The following MARCHF3 variants were observed in gnomAD, a reference collection of about 807,000 sequenced individuals.
The protein encoded by MARCHF3 is membrane associated ring-CH-type finger 3.
A neutral mutation model predicts 24.2 loss-of-function variants in MARCHF3; 13 were observed. The ratio of observed to expected loss-of-function variants is 0.54; its 90% confidence interval spans 0.35 to 0.85. MARCHF3 has a LOEUF of 0.85. Ranked by LOEUF, MARCHF3 falls within the 40% of genes least tolerant of loss-of-function variation. The pLI, the probability that MARCHF3 is intolerant of heterozygous loss-of-function variation, is 0.01. For synonymous variants in MARCHF3, 144 were observed against 137.3 expected (o/e 1.05, Z -0.34); for missense variants, 276 against 325.0 (o/e 0.85, Z 1.16).
Position 126,878,124 on chromosome 5 carries a change from G to GTGCCAGCTGTGAGGC in MARCHF3, c.603+46_603+60dup. 3.3e-6 allele frequency: 5 copies of GTGCCAGCTGTGAGGC among 1,528,674 alleles called. No individual in the cohort carries two copies. The South Asian group carries it at 5.7e-5, about 17-fold the overall frequency. The allele number at this position is 1,528,674 out of a possible 1,614,324, so 94.7% of individuals were successfully genotyped here. A position where few individuals can be genotyped will look rare whatever the true frequency, so the allele number is the denominator to read the frequency against. On this transcript the variant is annotated intron_variant, in intron 4 of 4. Coordinates refer to ENST00000308660, the MANE Select transcript of MARCHF3 (RefSeq NM_178450.5). ...GTGTTACAGACAAGAGGAAAGGCTT[G>GTGCCAGCTGTGAGGC]TGCCAGCTGTGAGGCTGCCAGCTCC...
intron 1 of MARCHF3, among the ~76,000 whole-genome samples, chr5:126,940,130 T>C (rs1749779420): frequency 6.6e-6 from 1 of 152,230 alleles, no homozygotes; most frequent in Non-Finnish European, 1.5e-5. Context: ...ATTGCCTTGT[T>C]TGACCTCAGC....
intron 3 of MARCHF3, among the ~76,000 whole-genome samples, chr5:126,892,881 T>C (rs1389605325): frequency 6.6e-6 from 1 of 151,658 alleles, no homozygotes; most frequent in Non-Finnish European, 1.5e-5. Context: ...TTCCTCCTTG[T>C]ACCTCTGGTA....
At chr5:126,959,358 G>T (rs2126821319) in intron 1 of MARCHF3, among the ~76,000 whole-genome samples, 1 of 152,166 alleles carries the variant, frequency 6.6e-6, no homozygotes, top group African/African-American at 2.4e-5. Flanking sequence ...CCCAAAAAAG[G>T]GACTTTTTAC....
At chr5:126,920,826 T>G (rs1429270309) in intron 1 of MARCHF3, among the ~76,000 whole-genome samples, 1 of 152,166 alleles carries the variant, frequency 6.6e-6, no homozygotes, top group Non-Finnish European at 1.5e-5. Context: ...GAAGCAGAGC[T>G]TCCCTTAAAT....
rs1365394737 is a variant in MARCHF3 at position 126,899,097 on chromosome 5, G to A, written c.393+15833C>T. ...TAACTCTGTAATGATGGATTGCAAA[G>A]AAACCGCTTTATCCCAAACAATCTC... On this transcript the variant is annotated intron_variant, in intron 3 of 4. Coordinates refer to ENST00000308660, the MANE Select transcript of MARCHF3 (RefSeq NM_178450.5). 3 of 985,146 alleles carry A rather than the reference G, an allele frequency of 3.0e-6. No homozygotes were observed. In the African/African-American group the frequency reaches 5.2e-5, roughly 17 times the overall value. The allele number at this position is 985,146 out of a possible 1,614,324, so 61.0% of individuals were successfully genotyped here.
intron 1 of MARCHF3, among the ~76,000 whole-genome samples, chr5:126,937,331 T>G (rs1489722886): frequency 6.6e-6 from 1 of 151,564 alleles, no homozygotes; most frequent in Non-Finnish European, 1.5e-5. Flanking sequence ...TCTGGTTACC[T>G]TTTTTTTTCT....
chr5:126,999,072 C>T (rs1323506308), intron 1 of MARCHF3, among the ~76,000 whole-genome samples: 4 of 152,178 alleles, frequency 2.6e-5, no homozygotes, highest in Admixed American at 2.6e-4. Flanking sequence ...AGGTCTGCCT[C>T]ACAAATAATT....
intron 1 of MARCHF3, among the ~76,000 whole-genome samples, chr5:126,970,132 G>A (rs1750956383): frequency 6.6e-6 from 1 of 150,676 alleles, no homozygotes; most frequent in Admixed American, 6.6e-5. Context: ...CTGTCACCTA[G>A]GCTGGAGTGC....
chr5:126,915,654 C>T (rs1405234621), intron 2 of MARCHF3, among the ~76,000 whole-genome samples: 2 of 152,190 alleles, frequency 1.3e-5, no homozygotes, highest in African/African-American at 4.8e-5. Flanking sequence ...GTCTGAGCCA[C>T]AGCACAAAGC....
chr5:126,919,730 C>T (rs1233535540), intron 1 of MARCHF3, among the ~76,000 whole-genome samples: 2 of 152,214 alleles, frequency 1.3e-5, no homozygotes, highest in African/African-American at 2.4e-5. Flanking sequence ...AATCATCGGA[C>T]GTGATTGTCA....
intron 1 of MARCHF3, among the ~76,000 whole-genome samples, chr5:126,984,834 G>A (rs72782306): frequency 0.01 from 1,584 of 152,298 alleles, 15 homozygotes; most frequent in Non-Finnish European, 0.016. Context: ...GGAAAACTAA[G>A]TGGAATAATA....
chr5:126,932,654 A>G (rs1003083834), intron 1 of MARCHF3, among the ~76,000 whole-genome samples: 4 of 152,174 alleles, frequency 2.6e-5, no homozygotes, highest in Non-Finnish European at 5.9e-5. Context: ...TATGCAGAGA[A>G]TATTATCTTA....
intron 1 of MARCHF3, among the ~76,000 whole-genome samples, chr5:126,971,557 T>TA (rs1291176606): frequency 1.3e-5 from 2 of 152,256 alleles, no homozygotes; most frequent in East Asian, 3.9e-4. Context: ...CTAACTTCAT[T>TA]AGCAGGCTCT....
At chr5:126,973,451 C>T (rs1751085591) in intron 1 of MARCHF3, among the ~76,000 whole-genome samples, 1 of 152,238 alleles carries the variant, frequency 6.6e-6, no homozygotes, top group Non-Finnish European at 1.5e-5. Context: ...AGAAGTATAG[C>T]TTCCACCTGT....
At chr5:126,960,693 AT>A (rs1262420596) in intron 1 of MARCHF3, among the ~76,000 whole-genome samples, 1 of 152,160 alleles carries the variant, frequency 6.6e-6, no homozygotes, top group African/African-American at 2.4e-5. Flanking sequence ...GAAAAACAGT[AT>A]ATAGCCAGAC....
intron 1 of MARCHF3, among the ~76,000 whole-genome samples, chr5:126,964,362 ATTAGCTTAT>A (rs1465570358): frequency 3.9e-5 from 6 of 152,132 alleles, no homozygotes; most frequent in African/African-American, 1.4e-4. Flanking sequence ...ACATTTCTTA[ATTAGCTTAT>A]TTATTGGTAT....
intron 1 of MARCHF3, among the ~76,000 whole-genome samples, chr5:126,970,003 C>G (rs182859009): frequency 6.6e-6 from 1 of 152,236 alleles, no homozygotes; most frequent in East Asian, 1.9e-4. Context: ...CTGTAAGTAT[C>G]CCAATTTCAT....
chr5:126,953,203 T>A (rs1409405523), intron 1 of MARCHF3, among the ~76,000 whole-genome samples: 1 of 152,214 alleles, frequency 6.6e-6, no homozygotes, highest in Non-Finnish European at 1.5e-5. Flanking sequence ...AAACAGCATA[T>A]TATTTCACTT....
intron 1 of MARCHF3, among the ~76,000 whole-genome samples, chr5:127,024,081 T>G (rs542947652): frequency 9.9e-5 from 15 of 152,100 alleles, no homozygotes; most frequent in Non-Finnish European, 2.1e-4. Flanking sequence ...TGACCTAGCC[T>G]AGGGTGGGAG....
Sources: allele counts gnomAD v4.1 joint callset (sites outside exome capture counted in the v4.1 genomes callset), GRCh38; gene constraint gnomAD v4.1.1; transcripts MANE v1.5; gene names NCBI Gene and HGNC (gene_info 2026-07-23, HGNC 2026-07-21).